The following MGST1 variants were observed in gnomAD, a reference collection of about 807,000 sequenced individuals.
The protein encoded by MGST1 is glutathione S-transferase 12.
Under a neutral mutation model 8.9 loss-of-function variants are expected in MGST1, and 5 were observed. The observed-to-expected ratio is 0.56, with a 90% CI of 0.29 to 1.19. The LOEUF is 1.19. Ranked by LOEUF, MGST1 falls within the 50% of genes most tolerant of loss-of-function variation. The probability of loss-of-function intolerance (pLI) is 0.08; values close to 1 mark genes in which losing one functional copy is unlikely to be tolerated. For missense variants in MGST1, 182 were observed against 187.4 expected, an observed-to-expected ratio of 0.97 and a Z score of 0.17; for synonymous variants, 54 against 67.8, an observed-to-expected ratio of 0.80 and a Z score of 1.00.
At chr12:16,385,570 TTGCACATC>T (rs1179229944) in intron 1 of MGST1, among the ~76,000 whole-genome samples, 1 of 152,236 alleles carries the variant, frequency 6.6e-6, no homozygotes, top group Admixed American at 6.5e-5. Flanking sequence ...AACAATTTAT[TTGCACATC>T]TGCCTGGGAA....
rs891636218 is a variant in MGST1 at position 16,376,247 on chromosome 12, T to A, written c.*83T>A. 9.5e-6 allele frequency: 6 copies of A among 634,642 alleles called. No individual in the cohort carries two copies. In the South Asian group the frequency reaches 1.0e-4, roughly 11 times the overall value. 39.3% of individuals were successfully genotyped at this position (634,642 alleles called of 1,614,324 possible). A position where few individuals can be genotyped will look rare whatever the true frequency, so the allele number is the denominator to read the frequency against. Reference sequence around the variant, plus strand: ...AACCAGTGAATAATTGAAGAAAAAATTTATCTTTTCAACATCTAATGAGTT... The same window carrying A: ...AACCAGTGAATAATTGAAGAAAAAAATTATCTTTTCAACATCTAATGAGTT... On this transcript the variant is annotated 3_prime_UTR_variant, in exon 4 of 4. Transcript: ENST00000535309.
intron 3 of MGST1, 51 bp downstream of exon 3, chr12:16,357,750 A>G (rs762275483): frequency 9.3e-6 from 14 of 1,508,552 alleles, no homozygotes; most frequent in Middle Eastern, 1.7e-4. Flanking sequence ...ATTTTGGTCA[A>G]GGAGTTCAGT....
At chr12:16,526,185 T>G (rs1326035077) in intron 4 of MGST1, among the ~76,000 whole-genome samples, 2 of 151,442 alleles carry the variant, frequency 1.3e-5, no homozygotes, top group Non-Finnish European at 2.9e-5. Flanking sequence ...TTTGTTGCCA[T>G]TGCTTTTGGT....
chr12:16,503,292 AT>A lies in MGST1; in HGVS notation n.483-86229del, dbSNP rs1941517853. 6.6e-6 allele frequency among the ~76,000 whole-genome samples: 1 copy of A among 151,856 alleles called. No individual in the cohort carries two copies. The highest frequency in any genetic ancestry group is 6.6e-5 in the Admixed American group (1 of 15,240). On this transcript the variant is annotated intron_variant and non_coding_transcript_variant, in intron 4 of 4. Coordinates refer to the MGST1 transcript ENST00000538857. The surrounding 1 kb of genome is among the most constrained non-coding windows in gnomAD (Gnocchi z 4.8). ...AAGACAGAACGGGTGGTCAAATAGC[AT>A]TTTTTTCTACTTTTTCCCTCATTCT...
At chr12:16,360,377 T>C in intron 3 of MGST1, 1 of 985,202 alleles carries the variant, frequency 1.0e-6, no homozygotes, top group Non-Finnish European at 1.2e-6. Flanking sequence ...AAAAGTATGC[T>C]TTACCGTGTG....
intron 4 of MGST1, among the ~76,000 whole-genome samples, chr12:16,459,112 A>T (rs1941200954): frequency 6.6e-6 from 1 of 152,126 alleles, no homozygotes; most frequent in South Asian, 2.1e-4. Flanking sequence ...TTTTGAAGGC[A>T]ATTAAAGAAA....
intron 4 of MGST1, among the ~76,000 whole-genome samples, chr12:16,541,652 C>T (rs963055385): frequency 5.3e-5 from 8 of 151,836 alleles, no homozygotes; most frequent in African/African-American, 1.7e-4. Context: ...AAAACAGATA[C>T]CAGAAACTAT....
chr12:16,425,351 C>T lies in MGST1; in HGVS notation n.779-12037C>T, dbSNP rs567708974. On this transcript the variant is annotated intron_variant and non_coding_transcript_variant, in intron 1 of 1. Transcript: ENST00000359720. ...AAGTTGGAGTGCAATGGCATGATCT[C>T]GGCTCACTGCAGCCTCCACCTCCTG... Among the ~76,000 whole-genome samples the T allele has an allele frequency of 4.6e-5, 7 of 152,172 alleles. No individual in the cohort carries two copies. In the East Asian group the frequency reaches 1.2e-3, roughly 25 times the overall value.
At position 16,357,480 on chromosome 12, in the gene MGST1, G is replaced by C. The variant is rs1310190039; in HGVS notation, c.127-125G>C. 3 of 719,208 alleles carry C rather than the reference G, an allele frequency of 4.2e-6. No individual in the cohort carries two copies. The African/African-American group carries it at 5.5e-5, about 13-fold the overall frequency. The allele number at this position is 719,208 out of a possible 1,614,324, so 44.6% of individuals were successfully genotyped here. A position where few individuals can be genotyped will look rare whatever the true frequency, so the allele number is the denominator to read the frequency against. ...TATGGGTACTCCCTATGTTGCCCAG[G>C]CTGATCTTGAATTCTTGGGCTCAAG... On this transcript the variant is annotated intron_variant, in intron 2 of 3. Transcript: ENST00000396210.
intron 4 of MGST1, among the ~76,000 whole-genome samples, chr12:16,540,593 G>A (rs991550837): frequency 2.0e-5 from 3 of 152,226 alleles, no homozygotes; most frequent in Non-Finnish European, 4.4e-5. Context: ...CATCTGGACA[G>A]AGCGACATTT....
At chr12:16,475,604 C>T (rs999451214) in intron 4 of MGST1, among the ~76,000 whole-genome samples, 1 of 152,076 alleles carries the variant, frequency 6.6e-6, no homozygotes, top group African/African-American at 2.4e-5. Flanking sequence ...ATTTCTTATA[C>T]CCTTAAGAGA....
intron 1 of MGST1, among the ~76,000 whole-genome samples, chr12:16,353,767 T>TC (rs138334484): frequency 0.12 from 17,493 of 148,130 alleles, 1,359 homozygotes; most frequent in Middle Eastern, 0.17. Flanking sequence ...CTTTTTTTTT[T>TC]TTTTTTTTTT....
chr12:16,447,431 G>A (rs1730107770), intron 4 of MGST1, among the ~76,000 whole-genome samples: 1 of 151,894 alleles, frequency 6.6e-6, no homozygotes, highest in Non-Finnish European at 1.5e-5. Flanking sequence ...TGACCCTGTT[G>A]CCTTGTGGGA....
chr12:16,403,401 T>A (rs1304882772), intron 1 of MGST1, among the ~76,000 whole-genome samples: 2 of 152,116 alleles, frequency 1.3e-5, no homozygotes, highest in East Asian at 3.9e-4. Flanking sequence ...GTATTTAAAT[T>A]TTCTTTACTG....
rs1940737116 is a variant in MGST1, at chr12:16,410,889, C to T, written n.779-26499C>T. On this transcript the variant is annotated intron_variant and non_coding_transcript_variant, in intron 1 of 1. Transcript: ENST00000359720. The surrounding 1 kb of genome is among the most constrained non-coding windows in gnomAD (Gnocchi z 4.4). ...AAGATGTTCCAGAATCACTATTTCT[C>T]TTGCTTTTGTACCCTGCCAGGCTGG... 6.6e-6 allele frequency among the ~76,000 whole-genome samples: 1 copy of T among 151,972 alleles called. No individual in the cohort carries two copies. Among genetic ancestry groups the T allele is most frequent in the Non-Finnish European group, 1.5e-5 (1 of 67,990 alleles).
chr12:16,487,743 G>A (rs1013813878), intron 4 of MGST1, among the ~76,000 whole-genome samples: 1 of 152,046 alleles, frequency 6.6e-6, no homozygotes, highest in Admixed American at 6.6e-5. Flanking sequence ...AAACTCCTGG[G>A]CTCAAGAGAT....
rs566402316 is a variant in MGST1, at chr12:16,480,696, G to C, written n.482+97092G>C. 2.1e-3 allele frequency among the ~76,000 whole-genome samples: 324 copies of C among 152,292 alleles called. 3 individuals carry two copies. Among genetic ancestry groups the C allele is most frequent in the Non-Finnish European group, 4.1e-3 (277 of 68,030 alleles). ...AGCCAGGGATTGGCAAATGTTTTCT[G>C]TAAGGGATCAGGTAGTAAATATTTT... On this transcript the variant is annotated intron_variant and non_coding_transcript_variant, in intron 4 of 4. Transcript: ENST00000538857.
intron 1 of MGST1, among the ~76,000 whole-genome samples, chr12:16,403,082 A>T (rs1435039315): frequency 6.6e-6 from 1 of 151,964 alleles, no homozygotes; most frequent in Non-Finnish European, 1.5e-5. Context: ...TGACTTAATC[A>T]TTTTTAGCCT....
intron 4 of MGST1, among the ~76,000 whole-genome samples, chr12:16,456,245 G>A (rs1005234929): frequency 2.6e-5 from 4 of 151,820 alleles, no homozygotes; most frequent in Admixed American, 2.0e-4. Context: ...CCCAATTGGA[G>A]AAAGTCGATA....
Sources: gnomAD v4.1 joint callset for allele counts (sites outside exome capture counted in the v4.1 genomes callset) on GRCh38, gnomAD v4.1.1 for gene constraint, Gnocchi (gnomAD v3.1) non-coding constraint, MANE v1.5 for transcripts, NCBI Gene and HGNC (gene_info 2026-07-23, HGNC 2026-07-21) for gene names.